Variants in CSNK2A2IP observed in about 807,000 individuals in gnomAD.
CSNK2A2IP encodes casein kinase II subunit alpha'-interacting protein.
the CSNK2A2IP span, among the ~76,000 whole-genome samples, chr3:88,432,459 A>G: frequency 6.6e-6 from 1 of 151,804 alleles, no homozygotes; most frequent in Admixed American, 6.6e-5. Flanking sequence ...ATTGTATTGT[A>G]TACTGGTAAT....
At chr3:88,449,874 T>TATATATAG in the CSNK2A2IP span, among the ~76,000 whole-genome samples, 5 of 70,044 alleles carry the variant, frequency 7.1e-5, no homozygotes, top group African/African-American at 2.3e-4. Context: ...TATATATATA[T>TATATATAG]AGAGAGAGAG....
the CSNK2A2IP span, among the ~76,000 whole-genome samples, chr3:88,393,365 T>C: frequency 5.3e-5 from 8 of 152,246 alleles, no homozygotes; most frequent in East Asian, 3.9e-4. Flanking sequence ...CACCTAGAGA[T>C]AGGGATTTGG....
the CSNK2A2IP span, among the ~76,000 whole-genome samples, chr3:88,371,835 C>T: frequency 6.6e-6 from 1 of 151,566 alleles, no homozygotes; most frequent in African/African-American, 2.4e-5. Context: ...ATACAGGGGA[C>T]TATGATAAAA....
chr3:88,349,366 A>G, the CSNK2A2IP span, among the ~76,000 whole-genome samples: 243 of 152,206 alleles, frequency 1.6e-3, 1 homozygote, highest in African/African-American at 5.3e-3. Flanking sequence ...GCTCCCACTT[A>G]TAAGTGAGAA....
the CSNK2A2IP span, among the ~76,000 whole-genome samples, chr3:88,409,779 TAA>T: frequency 6.6e-6 from 1 of 152,086 alleles, no homozygotes; most frequent in Non-Finnish European, 1.5e-5. Context: ...CGTCTCCTAG[TAA>T]AGTCAGTGAT....
chr3:88,342,706 G>T, the CSNK2A2IP span, among the ~76,000 whole-genome samples: 15,428 of 117,736 alleles, frequency 0.13, 1,257 homozygotes, highest in Admixed American at 0.32. Flanking sequence ...ATCTGAGCAA[G>T]GTTAAAAAAA....
At chr3:88,390,483 G>A in the CSNK2A2IP span, among the ~76,000 whole-genome samples, 1 of 152,168 alleles carries the variant, frequency 6.6e-6, no homozygotes, top group Non-Finnish European at 1.5e-5. Context: ...ACCTCATTAA[G>A]CCGATAACTC....
chr3:88,416,230 C>A, the CSNK2A2IP span, among the ~76,000 whole-genome samples: 2 of 150,174 alleles, frequency 1.3e-5, no homozygotes, highest in African/African-American at 4.9e-5. Flanking sequence ...CCGAGATCGG[C>A]CACTGCACTC....
chr3:88,370,451 T>C, the CSNK2A2IP span, among the ~76,000 whole-genome samples: 1 of 151,678 alleles, frequency 6.6e-6, no homozygotes, highest in Non-Finnish European at 1.5e-5. Flanking sequence ...CTGTGCAAAG[T>C]TGTGTTTTTT....
chr3:88,345,929 A>C, the CSNK2A2IP span, among the ~76,000 whole-genome samples: 1 of 152,034 alleles, frequency 6.6e-6, no homozygotes, highest in Non-Finnish European at 1.5e-5. Context: ...CTCTTGCAGC[A>C]AACAGCCAAC....
chr3:88,422,736 C>T, the CSNK2A2IP span, among the ~76,000 whole-genome samples: 1 of 152,048 alleles, frequency 6.6e-6, no homozygotes, highest in Non-Finnish European at 1.5e-5. Flanking sequence ...TACTAGAAGC[C>T]CTAGTGAGCA....
chr3:88,454,126 C>G, the CSNK2A2IP span, among the ~76,000 whole-genome samples: 1 of 151,880 alleles, frequency 6.6e-6, no homozygotes, highest in Non-Finnish European at 1.5e-5. Context: ...TTTAGTTATT[C>G]AAGAAGTTAT....
At chr3:88,357,142 TA>T in the CSNK2A2IP span, among the ~76,000 whole-genome samples, 10 of 152,192 alleles carry the variant, frequency 6.6e-5, no homozygotes, top group Admixed American at 2.0e-4. Flanking sequence ...ATTTTTTCTT[TA>T]TTTGCCTGTG....
At chr3:88,418,457 T>TGCGC in the CSNK2A2IP span, among the ~76,000 whole-genome samples, 3 of 93,224 alleles carry the variant, frequency 3.2e-5, no homozygotes, top group African/African-American at 1.2e-4. Context: ...TGTGTGTGTG[T>TGCGC]GTGTGTGCGC....
chr3:88,460,513 T>C, the CSNK2A2IP span, among the ~76,000 whole-genome samples: 16 of 152,228 alleles, frequency 1.1e-4, no homozygotes, highest in Non-Finnish European at 2.9e-5. Context: ...GGTTTACTCT[T>C]TAATGTTTCA....
chr3:88,444,888 C>A, the CSNK2A2IP span, among the ~76,000 whole-genome samples: 1 of 152,164 alleles, frequency 6.6e-6, no homozygotes, highest in African/African-American at 2.4e-5. Flanking sequence ...TTTGTTTGCA[C>A]AGCTGCTTTC....
the CSNK2A2IP span, among the ~76,000 whole-genome samples, chr3:88,389,829 T>G: frequency 2.0e-3 from 303 of 147,918 alleles, no homozygotes; most frequent in African/African-American, 7.1e-3. Context: ...CCCTGTACTT[T>G]TTTTTTTTTT....
the CSNK2A2IP span, among the ~76,000 whole-genome samples, chr3:88,396,623 C>T: frequency 6.6e-6 from 1 of 152,136 alleles, no homozygotes; most frequent in African/African-American, 2.4e-5. Flanking sequence ...GAGAGATGAT[C>T]ATGGTAGTTA....
chr3:88,394,406 CTT>C, the CSNK2A2IP span, among the ~76,000 whole-genome samples: 1 of 152,110 alleles, frequency 6.6e-6, no homozygotes, highest in Non-Finnish European at 1.5e-5. Context: ...CAGTTTTGCT[CTT>C]GTTGCCCAGA....
Sources: gnomAD v4.1 joint callset for allele counts (sites outside exome capture counted in the v4.1 genomes callset) on GRCh38, gnomAD v4.1.1 for gene constraint, MANE v1.5 for transcripts, NCBI Gene and HGNC (gene_info 2026-07-23, HGNC 2026-07-21) for gene names.